Variants in ASH1L observed in about 807,000 individuals in gnomAD.
ASH1L encodes the protein histone-lysine N-methyltransferase ASH1L.
A neutral mutation model predicts 269.0 loss-of-function variants in ASH1L; 23 were observed. The observed-to-expected ratio is 0.09, with a 90% confidence interval of 0.06 to 0.12. The LOEUF (loss-of-function observed/expected upper bound fraction) is 0.12, where lower values mean the gene tolerates loss of function less well. ASH1L is among the 10% of genes least tolerant of loss of function. ASH1L has a pLI of 1.00. For synonymous variants in ASH1L, 1,187 were observed against 1,253.5 expected (o/e 0.95, Z 1.12); for missense variants, 2,912 against 3,567.8 (o/e 0.82, Z 4.68).
chr1:155,337,431 G>A lies in ASH1L; in HGVS notation c.*229C>T, dbSNP rs556439213. 6.9e-6 allele frequency: 3 copies of A among 437,800 alleles called. No homozygotes were observed. The East Asian group carries it at 1.3e-4, about 19-fold the overall frequency. The allele number at this position is 437,800 out of a possible 1,614,324, so 27.1% of individuals were successfully genotyped here. A position where few individuals can be genotyped will look rare whatever the true frequency, so the allele number is the denominator to read the frequency against. Reference sequence around the variant, plus strand: ...CCTCTCTACATTATTAACCCTTAAGGTGAAGCAATGGAGAAGAAAATTAAT... The same window carrying A: ...CCTCTCTACATTATTAACCCTTAAGATGAAGCAATGGAGAAGAAAATTAAT... On this transcript the variant is annotated 3_prime_UTR_variant, in exon 28 of 28. Coordinates refer to ENST00000392403, the MANE Select transcript of ASH1L (RefSeq NM_018489.3).
intron 4 of ASH1L, among the ~76,000 whole-genome samples, chr1:155,443,000 C>T (rs903053755): frequency 5.3e-5 from 8 of 152,188 alleles, no homozygotes; most frequent in African/African-American, 1.9e-4. Context: ...TTTCCTAACA[C>T]TAATCACACT....
intron 6 of ASH1L, among the ~76,000 whole-genome samples, chr1:155,400,917 T>G (rs983269984): frequency 6.6e-6 from 1 of 152,144 alleles, no homozygotes; most frequent in African/African-American, 2.4e-5. Context: ...CCCAGCACTT[T>G]GGGAGGCTGA....
At chr1:155,522,951 A>G (rs1049428818) in intron 1 of ASH1L, among the ~76,000 whole-genome samples, 2 of 152,092 alleles carry the variant, frequency 1.3e-5, no homozygotes, top group African/African-American at 4.8e-5. Flanking sequence ...TTAGCCTCCC[A>G]AAGTGCTGGG....
intron 5 of ASH1L, among the ~76,000 whole-genome samples, chr1:155,416,433 A>C (rs748788846): frequency 1.3e-5 from 2 of 151,868 alleles, no homozygotes; most frequent in Non-Finnish European, 1.5e-5. Flanking sequence ...AAATTTTAAA[A>C]GACAATTATT....
At chr1:155,401,826 T>C (rs1442181832) in intron 6 of ASH1L, among the ~76,000 whole-genome samples, 2 of 147,826 alleles carry the variant, frequency 1.4e-5, no homozygotes, top group Non-Finnish European at 3.0e-5. Context: ...CAGTGGCTCA[T>C]GCCTGTAATC....
At position 155,480,055 on chromosome 1, in the gene ASH1L, C is replaced by T. The variant is rs753003745; in HGVS notation, c.2815G>A (p.Glu939Lys). Residue 939 changes from glutamate (E) to lysine (K), a missense_variant, in exon 3 of 28, where the codon GAG (glutamate) becomes AAG (lysine). Glu to Lys is a moderately conservative substitution (Grantham distance 56). Transcript: ENST00000392403. ...TCATCTGGATCCTGAAGTTGATCCT[C>T]GCTCTCAAAGAAATCACTGCTACTT... ...HRSSSDFFESEDQLQDPDDLD... is the reference protein window; with the variant it reads ...HRSSSDFFESKDQLQDPDDLD... 9.9e-6 allele frequency: 16 copies of T among 1,613,950 alleles called. No individual in the cohort carries two copies. The highest frequency in any genetic ancestry group is 6.7e-5 in the Admixed American group (4 of 59,990).
Position 155,375,722 on chromosome 1 carries a change from C to G in ASH1L, c.6332+2559G>C, listed in dbSNP as rs532219157. Among the ~76,000 whole-genome samples, 932 of 151,952 alleles carry G rather than the reference C, an allele frequency of 6.1e-3. 10 individuals are homozygous for G. The highest frequency in any genetic ancestry group is 0.022 in the African/African-American group (907 of 41,450). On this transcript the variant is annotated intron_variant, in intron 10 of 27. Transcript: ENST00000392403. Reference sequence around the variant, plus strand: ...ATGAGGCAGGAGAATCGCTTGAACCCGGGAGGTGGAGGCTGCAGTGAGCTG... The same window carrying G: ...ATGAGGCAGGAGAATCGCTTGAACCGGGGAGGTGGAGGCTGCAGTGAGCTG...
Position 155,478,088 on chromosome 1 carries a change from G to A in ASH1L, c.4782C>T (p.Asn1594=). ...PSLSLGGFTP[N]SEPASSDEHT... ...GTTCATCACTGCTGGCTGGCTCAGA[G>A]TTGGGAGTGAATCCTCCAAGGGATA... Residue 1594 remains asparagine, a synonymous_variant, in exon 3 of 28, where the codon AAC becomes AAT. Transcript: ENST00000392403. This position sits in a 1 kb window ranked among gnomAD's most constrained non-coding sequence, Gnocchi z 4.6. The A allele has an allele frequency of 6.2e-7, 1 of 1,614,176 alleles. No homozygotes were observed. The highest frequency in any genetic ancestry group is 8.5e-7 in the Non-Finnish European group (1 of 1,180,042).
At chr1:155,455,979 T>G (rs1396099610) in intron 4 of ASH1L, among the ~76,000 whole-genome samples, 1 of 152,134 alleles carries the variant, frequency 6.6e-6, no homozygotes, top group East Asian at 1.9e-4. Flanking sequence ...GGTTCCAACT[T>G]TATGCATATG....
At position 155,557,270 on chromosome 1, in the gene ASH1L, A is replaced by AT. The variant is rs58594125; in HGVS notation, c.-100+4882dup. Among the ~76,000 whole-genome samples, 1,253 of 149,292 alleles carry AT rather than the reference A, an allele frequency of 8.4e-3. 19 individuals carry two copies. Among genetic ancestry groups the AT allele is most frequent in the African/African-American group, 0.027 (1,108 of 40,870 alleles). The stretch of plus-strand genomic sequence containing the variant: ...CTAGAAGTCATTATTTTATTTATTT[A>AT]TTTTTTTTTTGAGACAGAGTCTCGC... On this transcript the variant is annotated intron_variant, in intron 1 of 27. Coordinates refer to ENST00000392403, the MANE Select transcript of ASH1L (RefSeq NM_018489.3).
At chr1:155,440,545 A>C in intron 4 of ASH1L, 1 of 965,388 alleles carries the variant, frequency 1.0e-6, no homozygotes, top group Non-Finnish European at 1.2e-6. Context: ...CTCAATTATC[A>C]TCAGTATGTA....
chr1:155,525,509 C>A (rs1373835298), intron 1 of ASH1L, among the ~76,000 whole-genome samples: 4 of 150,562 alleles, frequency 2.7e-5, no homozygotes, highest in African/African-American at 7.3e-5. Flanking sequence ...CACCACTGTG[C>A]CAGTTCACCC....
At chr1:155,449,090 C>T (rs1405419490) in intron 4 of ASH1L, among the ~76,000 whole-genome samples, 13 of 152,188 alleles carry the variant, frequency 8.5e-5, no homozygotes, top group Admixed American at 6.5e-4. Context: ...TGTGCCACCA[C>T]GCCCAGCTAA....
At chr1:155,488,426 G>T (rs561609557) in intron 2 of ASH1L, among the ~76,000 whole-genome samples, 1 of 147,832 alleles carries the variant, frequency 6.8e-6, no homozygotes, top group Non-Finnish European at 1.5e-5. Flanking sequence ...TTGGGAGGCC[G>T]AGGTGGGCAG....
intron 2 of ASH1L, among the ~76,000 whole-genome samples, chr1:155,490,507 C>A (rs1265383724): frequency 6.6e-6 from 1 of 151,360 alleles, no homozygotes; most frequent in Non-Finnish European, 1.5e-5. Context: ...GTAATCCCAG[C>A]TTCTGAGGTA....
At chr1:155,544,296 T>G (rs1174264654) in intron 1 of ASH1L, among the ~76,000 whole-genome samples, 1 of 151,952 alleles carries the variant, frequency 6.6e-6, no homozygotes, top group Non-Finnish European at 1.5e-5. Flanking sequence ...CCCCCTTTTT[T>G]TTTTTTTTGA....
intron 19 of ASH1L, among the ~76,000 whole-genome samples, chr1:155,348,986 T>C (rs1653635464): frequency 1.3e-5 from 2 of 151,636 alleles, no homozygotes; most frequent in African/African-American, 2.4e-5. Context: ...ATATTTCACA[T>C]GTACTTATTT....
rs750803730 is a variant in ASH1L, at chr1:155,360,426, CAG to C, written c.6687-19_6687-18del. The C allele has an allele frequency of 2.6e-6, 4 of 1,514,756 alleles. No individual in the cohort carries two copies. Among genetic ancestry groups the C allele is most frequent in the Middle Eastern group, 1.7e-4 (1 of 5,812 alleles). 93.8% of individuals were successfully genotyped at this position (1,514,756 alleles called of 1,614,324 possible). ...TTAACAGACCTGTAAAGAGAGAAAA[CAG>C]AGTTATAAAGGCTGGAAATTTTTTT... On this transcript the variant is annotated intron_variant, in intron 12 of 27. Transcript: ENST00000392403.
intron 4 of ASH1L, among the ~76,000 whole-genome samples, chr1:155,453,348 C>T (rs947526888): frequency 6.6e-6 from 1 of 151,566 alleles, no homozygotes; most frequent in Non-Finnish European, 1.5e-5. Flanking sequence ...GAGCAAGACT[C>T]CATCCCATAA....
Sources: allele counts gnomAD v4.1 joint callset (sites outside exome capture counted in the v4.1 genomes callset), GRCh38; gene constraint gnomAD v4.1.1; non-coding constraint Gnocchi (gnomAD v3.1); transcripts MANE v1.5; gene names NCBI Gene and HGNC (gene_info 2026-07-23, HGNC 2026-07-21).